The following SHOC2 variants were observed in gnomAD, a reference collection of about 807,000 sequenced individuals.
SHOC2 encodes the protein SHOC2 leucine rich repeat scaffold protein.
Under a neutral mutation model 50.2 loss-of-function variants are expected in SHOC2, and 4 were observed. That is an observed-to-expected ratio of 0.08 (90% CI 0.04 to 0.18). SHOC2 has a LOEUF of 0.18. Ranked by LOEUF, SHOC2 falls within the 10% of genes least tolerant of loss-of-function variation. The pLI is 1.00. For missense variants in SHOC2, 388 were observed against 669.6 expected (o/e 0.58, Z 4.64); for synonymous variants, 218 against 244.5 (o/e 0.89, Z 1.01).
At chr10:110,998,764 A>T (rs1004952740) in intron 3 of SHOC2, among the ~76,000 whole-genome samples, 6 of 152,192 alleles carry the variant, frequency 3.9e-5, no homozygotes, top group African/African-American at 1.4e-4. Context: ...TCAATGACTG[A>T]TTCTTATCTT....
chr10:110,951,490 TAAA>T (rs1014545397), intron 1 of SHOC2: 1 of 152,170 alleles, frequency 6.6e-6, no homozygotes, highest in Non-Finnish European at 1.5e-5. Context: ...ATAAAAAAAT[TAAA>T]AAGAGAACTA....
intron 1 of SHOC2, among the ~76,000 whole-genome samples, chr10:110,926,052 A>T (rs904203246): frequency 1.4e-4 from 22 of 152,298 alleles, no homozygotes; most frequent in African/African-American, 5.3e-4. Context: ...CTCTTCATGT[A>T]GCTAAACTCT....
intron 2 of SHOC2, among the ~76,000 whole-genome samples, chr10:110,983,496 A>C (rs1287776187): frequency 2.6e-5 from 4 of 151,864 alleles, no homozygotes; most frequent in African/African-American, 7.2e-5. Flanking sequence ...ATGTCCCATA[A>C]GTTTTTTTAT....
intron 2 of SHOC2, among the ~76,000 whole-genome samples, chr10:110,983,605 A>G (rs1397366136): frequency 6.6e-6 from 1 of 152,198 alleles, no homozygotes; most frequent in Non-Finnish European, 1.5e-5. Context: ...AACGATTACC[A>G]TTATTCATCT....
intron 2 of SHOC2, among the ~76,000 whole-genome samples, chr10:110,966,295 G>A (rs1847674085): frequency 6.6e-6 from 1 of 151,946 alleles, no homozygotes; most frequent in Non-Finnish European, 1.5e-5. Context: ...ACTTACTCAC[G>A]AGATATTAAA....
chr10:110,949,681 C>T (rs1847313393), intron 1 of SHOC2, among the ~76,000 whole-genome samples: 1 of 152,046 alleles, frequency 6.6e-6, no homozygotes, highest in Admixed American at 6.6e-5. Context: ...CAGAAATCCT[C>T]AACAAAATAC....
At chr10:110,987,913 A>T (rs761370567) in intron 3 of SHOC2, among the ~76,000 whole-genome samples, 3 of 152,272 alleles carry the variant, frequency 2.0e-5, no homozygotes, top group East Asian at 3.9e-4. Flanking sequence ...GGATAAATTA[A>T]AAGTCCCCTA....
chr10:110,990,451 ACT>A (rs1293942363), intron 3 of SHOC2, among the ~76,000 whole-genome samples: 13 of 152,112 alleles, frequency 8.5e-5, no homozygotes, highest in African/African-American at 2.9e-4. Flanking sequence ...ACCAATCAAC[ACT>A]CTGTATCTAG....
rs906496375 is a variant in SHOC2 at position 111,012,897 on chromosome 10, A to G, written c.*1079A>G. 6.6e-6 allele frequency: 1 copy of G among 152,612 alleles called. No homozygotes were observed. The highest frequency in any genetic ancestry group is 1.5e-5 in the Non-Finnish European group (1 of 68,014). 9.5% of individuals were successfully genotyped at this position (152,612 alleles called of 1,614,324 possible). On this transcript the variant is annotated 3_prime_UTR_variant, in exon 9 of 9. Coordinates refer to ENST00000369452, the MANE Select transcript of SHOC2 (RefSeq NM_007373.4). ...CTTGACTTGCCTTGTACATCTTTCA[A>G]TTCTGGAATATCTGTGTCTAAGCAC...
At chr10:110,943,246 T>G (rs970513649) in intron 1 of SHOC2, among the ~76,000 whole-genome samples, 3 of 150,470 alleles carry the variant, frequency 2.0e-5, no homozygotes, top group African/African-American at 4.9e-5. Context: ...CTCCGTTTCT[T>G]TTTCTTTATT....
chr10:110,938,825 G>T (rs1044559491), intron 1 of SHOC2, among the ~76,000 whole-genome samples: 3 of 152,138 alleles, frequency 2.0e-5, no homozygotes, highest in African/African-American at 7.2e-5. Flanking sequence ...CGGTATTCCA[G>T]TACATGTATT....
intron 3 of SHOC2, among the ~76,000 whole-genome samples, chr10:110,998,286 A>C (rs1277251399): frequency 6.6e-6 from 1 of 152,144 alleles, no homozygotes; most frequent in Non-Finnish European, 1.5e-5. Flanking sequence ...GGTGTGAGCC[A>C]CCATGCCTGG....
chr10:110,965,278 T>C (rs1477890977), intron 2 of SHOC2, among the ~76,000 whole-genome samples: 1 of 152,158 alleles, frequency 6.6e-6, no homozygotes, highest in Non-Finnish European at 1.5e-5. Flanking sequence ...AAAATAGATG[T>C]AATTAGATCT....
Position 110,998,485 on chromosome 10 carries a change from T to G in SHOC2, c.842-1930T>G, listed in dbSNP as rs76671036. Among the ~76,000 whole-genome samples, 38 of 152,348 alleles carry G rather than the reference T, an allele frequency of 2.5e-4. 1 individual carries two copies. In the East Asian group the frequency reaches 6.2e-3, roughly 25 times the overall value. ...ATCCTTAGTTAATTTACAAAGCTTT[T>G]TAAAGACTAAATTAACTTGTCTTTG... On this transcript the variant is annotated intron_variant, in intron 3 of 8. Transcript: ENST00000369452.
intron 1 of SHOC2, among the ~76,000 whole-genome samples, chr10:110,926,943 G>A (rs1846789111): frequency 6.6e-6 from 1 of 152,162 alleles, no homozygotes; most frequent in African/African-American, 2.4e-5. Context: ...GTAATTTGTA[G>A]AGGTAGATAC....
At chr10:110,946,155 A>G (rs960733004) in intron 1 of SHOC2, among the ~76,000 whole-genome samples, 7 of 152,058 alleles carry the variant, frequency 4.6e-5, no homozygotes, top group African/African-American at 1.7e-4. Flanking sequence ...AATCCTTGAT[A>G]TCTTATTATT....
chr10:110,988,768 A>T (rs1377840082), intron 3 of SHOC2, among the ~76,000 whole-genome samples: 1 of 152,106 alleles, frequency 6.6e-6, no homozygotes, highest in Non-Finnish European at 1.5e-5. Flanking sequence ...TGAGGTCATT[A>T]ATTTGAGACC....
intron 2 of SHOC2, among the ~76,000 whole-genome samples, chr10:110,977,614 G>T (rs1328467215): frequency 6.6e-6 from 1 of 152,146 alleles, no homozygotes; most frequent in East Asian, 1.9e-4. Flanking sequence ...CTTGGATTTT[G>T]TTGTATTCTT....
At chr10:110,948,397 A>G (rs1847289157) in intron 1 of SHOC2, among the ~76,000 whole-genome samples, 2 of 152,250 alleles carry the variant, frequency 1.3e-5, no homozygotes, top group South Asian at 4.1e-4. Context: ...TGGACGTAAC[A>G]GGCATATACA....
Sources: gnomAD v4.1 joint callset for allele counts (sites outside exome capture counted in the v4.1 genomes callset) on GRCh38, gnomAD v4.1.1 for gene constraint, MANE v1.5 for transcripts, NCBI Gene and HGNC (gene_info 2026-07-23, HGNC 2026-07-21) for gene names.